RSPRY1: variants seen among roughly 807,000 people sequenced by gnomAD.
RSPRY1 encodes ring finger and SPRY domain containing 1, also known as RING finger and SPRY domain-containing protein 1.
A neutral mutation model predicts 73.1 loss-of-function variants in RSPRY1; 23 were observed. That is an observed-to-expected ratio of 0.31 (90% CI 0.23 to 0.45). The LOEUF (loss-of-function observed/expected upper bound fraction) is 0.45. RSPRY1 is among the 20% of genes least tolerant of loss of function. RSPRY1 has a pLI of 1.00. For missense variants in RSPRY1, 448 were observed against 698.7 expected, an observed-to-expected ratio of 0.64 and a Z score of 4.05; for synonymous variants, 226 against 251.4, an observed-to-expected ratio of 0.90 and a Z score of 0.95.
intron 2 of RSPRY1, among the ~76,000 whole-genome samples, chr16:57,206,612 G>A (rs2074730655): frequency 6.6e-6 from 1 of 152,094 alleles, no homozygotes. Flanking sequence ...ACCCAGGCTG[G>A]CGTACAGTGG....
At chr16:57,205,496 A>G (rs2074707399) in intron 2 of RSPRY1, among the ~76,000 whole-genome samples, 1 of 152,214 alleles carries the variant, frequency 6.6e-6, no homozygotes, top group Non-Finnish European at 1.5e-5. Context: ...TTATTTGACT[A>G]TCTTTAATCC....
intron 10 of RSPRY1, 64 bp downstream of exon 10, chr16:57,221,479 T>G: frequency 1.3e-6 from 2 of 1,505,474 alleles, no homozygotes; most frequent in Non-Finnish European, 9.0e-7. Context: ...CCCTAGTTGG[T>G]GGGTGGAAAA....
chr16:57,208,150 A>G (rs1425516424), intron 3 of RSPRY1, 40 bp downstream of exon 3: 1 of 1,254,248 alleles, frequency 8.0e-7, no homozygotes, highest in Non-Finnish European at 1.1e-6. Flanking sequence ...TAATGAATAT[A>G]TAATAATGAA....
At chr16:57,207,038 A>G (rs1222537953) in intron 2 of RSPRY1, among the ~76,000 whole-genome samples, 1 of 152,198 alleles carries the variant, frequency 6.6e-6, no homozygotes, top group Non-Finnish European at 1.5e-5. Flanking sequence ...TCATCTGGTG[A>G]TGGTCACTTA....
In RSPRY1 at chr16:57,216,009, A is replaced by G; in HGVS notation, c.703-98A>G. On this transcript the variant is annotated intron_variant, in intron 6 of 14. Coordinates refer to ENST00000394420, the MANE Select transcript of RSPRY1 (RefSeq NM_133368.3). ...AACTTTTCTGACCACTCGAAAAAAC[A>G]TCTAGCACATATTGGGCAAGGAAAT... 4 of 904,274 alleles carry G rather than the reference A, an allele frequency of 4.4e-6. No individual in the cohort carries two copies. In the Admixed American group the frequency reaches 8.6e-5, roughly 20 times the overall value. 56.0% of individuals were successfully genotyped at this position (904,274 alleles called of 1,614,324 possible).
chr16:57,206,704 A>C (rs1281976952), intron 2 of RSPRY1, among the ~76,000 whole-genome samples: 2 of 152,150 alleles, frequency 1.3e-5, no homozygotes, highest in African/African-American at 4.8e-5. Context: ...CTTGGACTAC[A>C]GGCGTGTGCT....
At chr16:57,213,199 A>C in intron 5 of RSPRY1, 101 bp downstream of exon 5, 4 of 1,168,884 alleles carry the variant, frequency 3.4e-6, no homozygotes, top group Non-Finnish European at 4.7e-6. Context: ...CCAGAAAGAA[A>C]TCTCTTAAAA....
At chr16:57,209,675 T>TTTTA (rs1346993651) in intron 4 of RSPRY1, among the ~76,000 whole-genome samples, 1 of 152,046 alleles carries the variant, frequency 6.6e-6, no homozygotes, top group African/African-American at 2.4e-5. Flanking sequence ...CCCTCTGTCT[T>TTTTA]TTTATTTATT....
intron 1 of RSPRY1, among the ~76,000 whole-genome samples, chr16:57,193,526 T>C (rs2074386357): frequency 6.6e-6 from 1 of 150,866 alleles, no homozygotes; most frequent in Non-Finnish European, 1.5e-5. Flanking sequence ...AGAGTCTTGC[T>C]CTGTCACCCA....
At chr16:57,187,812 G>C (rs1365982788) in intron 1 of RSPRY1, among the ~76,000 whole-genome samples, 1 of 152,270 alleles carries the variant, frequency 6.6e-6, no homozygotes, top group East Asian at 1.9e-4. Context: ...ACCCTGCTTA[G>C]ATGGGGATGG....
At chr16:57,204,271 C>T (rs2074682324) in intron 1 of RSPRY1, among the ~76,000 whole-genome samples, 1 of 152,018 alleles carries the variant, frequency 6.6e-6, no homozygotes, top group Non-Finnish European at 1.5e-5. Context: ...CTCCTCTGGT[C>T]TATAAGAATA....
chr16:57,218,725 T>C (rs1313193374), intron 8 of RSPRY1, among the ~76,000 whole-genome samples: 1 of 90,250 alleles, frequency 1.1e-5, no homozygotes, highest in Non-Finnish European at 2.1e-5. Context: ...ATTTTCTTTT[T>C]TTTTTTTTTT....
chr16:57,198,668 C>T (rs1212540870), intron 1 of RSPRY1, among the ~76,000 whole-genome samples: 1 of 152,174 alleles, frequency 6.6e-6, no homozygotes, highest in Non-Finnish European at 1.5e-5. Context: ...CCCTTCAAGG[C>T]TTTGTTTTCT....
intron 1 of RSPRY1, among the ~76,000 whole-genome samples, chr16:57,202,906 A>ATATATATC (rs1230196481): frequency 6.9e-6 from 1 of 144,090 alleles, no homozygotes; most frequent in South Asian, 2.2e-4. Flanking sequence ...ATATATATAT[A>ATATATATC]TCTGAAGACT....
intron 14 of RSPRY1, 103 bp from the exon 15 acceptor site, chr16:57,238,776 T>G (rs2075338198): frequency 3.3e-6 from 2 of 599,762 alleles, no homozygotes; most frequent in South Asian, 2.6e-5. Context: ...TAGTAACCCT[T>G]TCAATGAACA....
rs2075304260 is a variant in RSPRY1, at chr16:57,236,704, A to G, written c.1634+1476A>G. The stretch of plus-strand genomic sequence containing the variant: ...AAACCATAGAGAAAGTAGGAAAACC[A>G]CAATGTTATTTTTAGTAATCATACC... On this transcript the variant is annotated intron_variant, in intron 14 of 14. Coordinates refer to ENST00000394420, the MANE Select transcript of RSPRY1 (RefSeq NM_133368.3). 2.0e-5 allele frequency among the ~76,000 whole-genome samples: 3 copies of G among 152,232 alleles called. No homozygotes were observed. In the South Asian group the frequency reaches 6.2e-4, roughly 31 times the overall value.
In RSPRY1 at chr16:57,210,424, T is replaced by C. The variant is rs1018249316; in HGVS notation, c.516+1237T>C. Among the ~76,000 whole-genome samples the C allele has an allele frequency of 3.8e-4, 58 of 152,278 alleles. 2 individuals are homozygous for C. The highest frequency in any genetic ancestry group is 3.7e-3 in the Admixed American group (57 of 15,298). ...TGTTAAAAATAGAAGCATTTAAGGC[T>C]GGGCGCGGTGGTTCACGCCTGTAAT... On this transcript the variant is annotated intron_variant, in intron 4 of 14. Transcript: ENST00000394420.
intron 7 of RSPRY1, 200 bp downstream of exon 7, chr16:57,216,373 T>C: frequency 2.0e-6 from 1 of 506,536 alleles, no homozygotes; most frequent in Non-Finnish European, 3.5e-6. Context: ...AATCAAAACT[T>C]GGTAACCATG....
At chr16:57,236,604 A>C (rs2075302902) in intron 14 of RSPRY1, among the ~76,000 whole-genome samples, 1 of 152,176 alleles carries the variant, frequency 6.6e-6, no homozygotes, top group South Asian at 2.1e-4. Context: ...TTCCACAAGT[A>C]CTAAGGCTAG....
Sources: allele counts gnomAD v4.1 joint callset (sites outside exome capture counted in the v4.1 genomes callset), GRCh38; gene constraint gnomAD v4.1.1; transcripts MANE v1.5; gene names NCBI Gene and HGNC (gene_info 2026-07-23, HGNC 2026-07-21).